Variants in ZBTB8B observed in about 807,000 individuals in gnomAD.
The protein encoded by ZBTB8B is zinc finger and BTB domain containing 8B.
In ZBTB8B, 17 loss-of-function variants were observed where a neutral mutation model predicts 30.3. The observed-to-expected ratio is 0.56, with a 90% CI of 0.38 to 0.84. The LOEUF (loss-of-function observed/expected upper bound fraction) is 0.84. Among genes scored for constraint, ZBTB8B ranks in the 40% least tolerant of loss-of-function variants. The pLI, the probability that ZBTB8B is intolerant of heterozygous loss-of-function variation, is 0.00. For synonymous variants in ZBTB8B, 248 were observed against 255.6 expected, an observed-to-expected ratio of 0.97 and a Z score of 0.28; for missense variants, 515 against 644.9, an observed-to-expected ratio of 0.80 and a Z score of 2.18.
Position 32,481,086 on chromosome 1 carries a change from G to A in ZBTB8B, c.1170+17G>A. ...GCACTGAGTGTAAGTGTTCGAGCTGGCCATGCCCTTGTGGCAAGAGCTATT... is the reference window on the plus strand; with the variant it reads ...GCACTGAGTGTAAGTGTTCGAGCTGACCATGCCCTTGTGGCAAGAGCTATT... On this transcript the variant is annotated intron_variant, in intron 3 of 3. Coordinates refer to ENST00000609129, the MANE Select transcript of ZBTB8B (RefSeq NM_001145720.2). 6.5e-7 allele frequency: 1 copy of A among 1,535,946 alleles called. No individual in the cohort carries two copies. Among genetic ancestry groups the A allele is most frequent in the Non-Finnish European group, 8.8e-7 (1 of 1,136,728 alleles).
At chr1:32,472,119 A>AC (rs1643629374) in intron 2 of ZBTB8B, among the ~76,000 whole-genome samples, 2 of 152,190 alleles carry the variant, frequency 1.3e-5, no homozygotes, top group African/African-American at 4.8e-5. Context: ...ATCATCAGTC[A>AC]CCATTATTGC....
intron 3 of ZBTB8B, among the ~76,000 whole-genome samples, chr1:32,481,452 G>A (rs1391755756): frequency 2.0e-5 from 3 of 151,912 alleles, no homozygotes; most frequent in Non-Finnish European, 4.4e-5. Flanking sequence ...CAGCACCTAG[G>A]GGTAAGGGAA....
chr1:32,491,679 T>A lies in ZBTB8B; in HGVS notation c.*6261T>A, dbSNP rs559993084. The stretch of plus-strand genomic sequence containing the variant: ...GCCTCCAGTGTCCCTATAAAAGACA[T>A]GCCTGTTCCAAGCGTCACTGTACTT... On this transcript the variant is annotated 3_prime_UTR_variant, in exon 4 of 4. Coordinates refer to ENST00000609129, the MANE Select transcript of ZBTB8B (RefSeq NM_001145720.2). 27 of 152,340 alleles carry A rather than the reference T, an allele frequency of 1.8e-4. No homozygotes were observed. Among genetic ancestry groups the A allele is most frequent in the African/African-American group, 5.5e-4 (23 of 41,572 alleles). 9.4% of individuals were successfully genotyped at this position (152,340 alleles called of 1,614,324 possible). A position where few individuals can be genotyped will look rare whatever the true frequency, so the allele number is the denominator to read the frequency against.
chr1:32,472,118 C>T (rs573985488), intron 2 of ZBTB8B, among the ~76,000 whole-genome samples: 1 of 152,306 alleles, frequency 6.6e-6, no homozygotes, highest in African/African-American at 2.4e-5. Flanking sequence ...CATCATCAGT[C>T]ACCATTATTG....
At chr1:32,472,632 G>GATTA (rs1285639581) in intron 2 of ZBTB8B, among the ~76,000 whole-genome samples, 1 of 152,146 alleles carries the variant, frequency 6.6e-6, no homozygotes. Context: ...TTGATTGATT[G>GATTA]AGACAGGGTC....
rs1265151503 is a variant in ZBTB8B at position 32,493,712 on chromosome 1, T to A, written c.*8294T>A. ...GGAGTGAGACTCCATCTCAAAAAAA[T>A]AAAAAATAATAATAATATGGTTTTC... On this transcript the variant is annotated 3_prime_UTR_variant, in exon 4 of 4. Transcript: ENST00000609129. 2.0e-5 allele frequency: 3 copies of A among 149,152 alleles called. No individual in the cohort carries two copies. Among genetic ancestry groups the A allele is most frequent in the African/African-American group, 4.9e-5 (2 of 40,686 alleles). The allele number at this position is 149,152 out of a possible 1,614,324, so 9.2% of individuals were successfully genotyped here.
At chr1:32,479,891 T>A (rs954346151) in intron 2 of ZBTB8B, among the ~76,000 whole-genome samples, 3 of 152,204 alleles carry the variant, frequency 2.0e-5, no homozygotes, top group Non-Finnish European at 4.4e-5. Context: ...TCCTGGATAT[T>A]TGATGATTTC....
intron 2 of ZBTB8B, among the ~76,000 whole-genome samples, chr1:32,480,669 G>A (rs1017404779): frequency 2.3e-4 from 35 of 152,284 alleles, no homozygotes; most frequent in South Asian, 4.1e-4. Context: ...TAGCATTCCC[G>A]ACATTATAAG....
rs908617988 is a variant in ZBTB8B at position 32,485,007 on chromosome 1, G to A, written c.1171-94G>A. On this transcript the variant is annotated intron_variant, in intron 3 of 3. Coordinates refer to ENST00000609129, the MANE Select transcript of ZBTB8B (RefSeq NM_001145720.2). ...CAGGTGGAGTGCTGAAAAAGGAATCGGGAGGATCAGGCAGGGGCCAGATCA... is the reference window on the plus strand; with the variant it reads ...CAGGTGGAGTGCTGAAAAAGGAATCAGGAGGATCAGGCAGGGGCCAGATCA... 16 of 1,226,368 alleles carry A rather than the reference G, an allele frequency of 1.3e-5. No individual in the cohort carries two copies. The East Asian group carries it at 2.0e-4, about 16-fold the overall frequency. 76.0% of individuals were successfully genotyped at this position (1,226,368 alleles called of 1,614,324 possible).
rs1570269399 is a variant in ZBTB8B at position 32,494,625 on chromosome 1, A to G, written c.*9207A>G. The G allele has an allele frequency of 6.6e-6, 1 of 152,332 alleles. No homozygotes were observed. The highest frequency in any genetic ancestry group is 1.9e-4 in the East Asian group (1 of 5,186). 9.4% of individuals were successfully genotyped at this position (152,332 alleles called of 1,614,324 possible). On this transcript the variant is annotated 3_prime_UTR_variant, in exon 4 of 4. Transcript: ENST00000609129. ...ACACATATCTAAAACATAAACCACC[A>G]TGGAACACACTCACACTCACATACA...
At position 32,485,954 on chromosome 1, in the gene ZBTB8B, A is replaced by C. The variant is rs1270681039; in HGVS notation, c.*536A>C. On this transcript the variant is annotated 3_prime_UTR_variant, in exon 4 of 4. Transcript: ENST00000609129. ...CATGATCATAAAAGGTACTCCCTAA[A>C]TCTAGAACAATTTTAAAGGCTTGGA... The C allele has an allele frequency of 6.4e-6, 1 of 155,640 alleles. No homozygotes were observed. The highest frequency in any genetic ancestry group is 1.4e-5 in the Non-Finnish European group (1 of 70,272). The allele number at this position is 155,640 out of a possible 1,614,324, so 9.6% of individuals were successfully genotyped here. A position where few individuals can be genotyped will look rare whatever the true frequency, so the allele number is the denominator to read the frequency against.
At chr1:32,483,610 G>T (rs1643723726) in intron 3 of ZBTB8B, among the ~76,000 whole-genome samples, 1 of 151,908 alleles carries the variant, frequency 6.6e-6, no homozygotes, top group South Asian at 2.1e-4. Context: ...CGAGTTAATG[G>T]GTGCAGCACA....
At chr1:32,482,607 G>T (rs1643713696) in intron 3 of ZBTB8B, among the ~76,000 whole-genome samples, 1 of 146,172 alleles carries the variant, frequency 6.8e-6, no homozygotes, top group South Asian at 2.2e-4. Context: ...GGAGGTGGAG[G>T]TTGCAGTGAG....
At position 32,470,887 on chromosome 1, in the gene ZBTB8B, T is replaced by C. The variant is rs1339546970; in HGVS notation, c.263T>C (p.Leu88Ser). The part of the protein sequence containing the change: ...IILDFLYSGK[L>S]DLCGENVIEV... ...TTAGATTTCCTCTATTCTGGGAAGTTGGATTTGTGTGGGGAGAATGTGATT... is the reference window on the plus strand; with the variant it reads ...TTAGATTTCCTCTATTCTGGGAAGTCGGATTTGTGTGGGGAGAATGTGATT... The change falls in exon 2 of 4, where the codon TTG becomes TCG. Residue 88 changes from leucine (L) to serine (S), a missense_variant. Physicochemically the swap from Leu to Ser is moderately radical, Grantham distance 145 (BLOSUM62 -2). Transcript: ENST00000609129. The C allele has an allele frequency of 1.3e-6, 2 of 1,552,004 alleles. No homozygotes were observed. Among genetic ancestry groups the C allele is most frequent in the South Asian group, 2.4e-5 (2 of 84,064 alleles).
intron 1 of ZBTB8B, 58 bp from the exon 2 acceptor site, chr1:32,470,526 A>AT: frequency 7.7e-6 from 8 of 1,035,276 alleles, no homozygotes; most frequent in Non-Finnish European, 7.8e-6. Context: ...AAAAAAAAAA[A>AT]GAAATCTTGT....
At chr1:32,482,167 T>C (rs961213173) in intron 3 of ZBTB8B, among the ~76,000 whole-genome samples, 1 of 151,828 alleles carries the variant, frequency 6.6e-6, no homozygotes, top group African/African-American at 2.4e-5. Flanking sequence ...TTGTTGTTGT[T>C]TTTTGTTTTT....
chr1:32,470,506 A>AATAAAAAAAAAAAT lies in ZBTB8B; in HGVS notation c.-41-77_-41-76insTAAAAAAAAAAATA. ...CAGAGCAAGACGCTGACTCAAAAAA[A>AATAAAAAAAAAAAT]AAAAAAAAAAAAAAAAAAAAGAAAT... On this transcript the variant is annotated intron_variant, in intron 1 of 3. Transcript: ENST00000609129. 7 of 979,928 alleles carry AATAAAAAAAAAAAT rather than the reference A, an allele frequency of 7.1e-6. No homozygotes were observed. The African/African-American group carries it at 1.1e-4, about 15-fold the overall frequency. The allele number at this position is 979,928 out of a possible 1,614,324, so 60.7% of individuals were successfully genotyped here. A position where few individuals can be genotyped will look rare whatever the true frequency, so the allele number is the denominator to read the frequency against.
intron 2 of ZBTB8B, among the ~76,000 whole-genome samples, chr1:32,478,557 C>T (rs1263599324): frequency 6.6e-6 from 1 of 152,110 alleles, no homozygotes; most frequent in Non-Finnish European, 1.5e-5. Context: ...TTACTTGTAT[C>T]AGTACCAGTG....
At chr1:32,471,738 C>A (rs923797560) in intron 2 of ZBTB8B, 123 bp downstream of exon 2, 1 of 1,074,060 alleles carries the variant, frequency 9.3e-7, no homozygotes. Flanking sequence ...ATTATCAGTA[C>A]CATCATCACC....
Sources: gnomAD v4.1 joint callset for allele counts (sites outside exome capture counted in the v4.1 genomes callset) on GRCh38, gnomAD v4.1.1 for gene constraint, MANE v1.5 for transcripts, NCBI Gene and HGNC (gene_info 2026-07-23, HGNC 2026-07-21) for gene names.